Variants in DYNC2I1 observed in about 807,000 individuals in gnomAD.
The protein encoded by DYNC2I1 is cytoplasmic dynein 2 intermediate chain 1.
Under a neutral mutation model 133.4 loss-of-function variants are expected in DYNC2I1, and 89 were observed. The ratio of observed to expected loss-of-function variants is 0.67; its 90% CI spans 0.56 to 0.80. The LOEUF is 0.80. DYNC2I1 is among the 30% of genes least tolerant of loss of function. The pLI, the probability that DYNC2I1 is intolerant of heterozygous loss-of-function variation, is 0.00. For missense variants in DYNC2I1, 1,291 were observed against 1,314.5 expected (o/e 0.98, Z 0.28); for synonymous variants, 504 against 484.3 (o/e 1.04, Z -0.54).
intron 19 of DYNC2I1, 29 bp downstream of exon 19, chr7:158,926,492 C>T (rs777973234): frequency 1.4e-5 from 22 of 1,606,228 alleles, no homozygotes; most frequent in Middle Eastern, 1.9e-4. Flanking sequence ...CGGGCACATG[C>T]GGGGCCTGAG....
chr7:158,878,066 A>T (rs1422194512), intron 4 of DYNC2I1, among the ~76,000 whole-genome samples: 2 of 149,026 alleles, frequency 1.3e-5, no homozygotes, highest in Admixed American at 6.7e-5. Flanking sequence ...GCCAGGTGCC[A>T]TGTGGAGAGG....
the DYNC2I1 span, among the ~76,000 whole-genome samples, chr7:158,850,245 A>G: frequency 2.0e-5 from 3 of 152,166 alleles, no homozygotes; most frequent in Non-Finnish European, 4.4e-5. Flanking sequence ...GGAAGGGCCC[A>G]GGGCTCTTGT....
intron 23 of DYNC2I1, among the ~76,000 whole-genome samples, chr7:158,938,754 T>TCAA (rs554871046): frequency 7.5e-4 from 114 of 151,220 alleles, no homozygotes; most frequent in Middle Eastern, 3.4e-3. Flanking sequence ...AAACTCCATC[T>TCAA]CAACAACAAC....
rs1424447882 is a variant in DYNC2I1, at chr7:158,882,080, C to G, written c.879+2091C>G. Reference sequence around the variant, plus strand: ...AACATTATCCTGTATCTTTGTAAAACCACTGCCTTCAAATTAGTCCCAGAA... The same window carrying G: ...AACATTATCCTGTATCTTTGTAAAAGCACTGCCTTCAAATTAGTCCCAGAA... On this transcript the variant is annotated intron_variant, in intron 5 of 24. Transcript: ENST00000407559. Among the ~76,000 whole-genome samples, 4 of 152,190 alleles carry G rather than the reference C, an allele frequency of 2.6e-5. No individual in the cohort carries two copies. The South Asian group carries it at 8.3e-4, about 31-fold the overall frequency.
rs1313141347 is a variant in DYNC2I1, at chr7:158,912,986, C to T, written c.1592C>T (p.Ala531Val). The T allele has an allele frequency of 6.2e-7, 1 of 1,604,866 alleles. No homozygotes were observed. The highest frequency in any genetic ancestry group is 8.5e-7 in the Non-Finnish European group (1 of 1,176,142). ...RNFGKKNTKQAYVQCNEDNVE... is the reference protein window; with the variant it reads ...RNFGKKNTKQVYVQCNEDNVE... ...TTTTGGCATATTTTTGTTTTTAAGG[C>T]ATATGTTCAGTGTAACGAAGATAAT... is the stretch of plus-strand genomic sequence containing the variant. Residue 531 changes from alanine (A) to valine (V), a missense_variant and splice_region_variant, in exon 13 of 25, where the codon GCA becomes GTA. Ala to Val is a moderately conservative substitution (Grantham distance 64). Transcript: ENST00000407559.
At chr7:158,910,895 C>T (rs1416717581) in intron 11 of DYNC2I1, among the ~76,000 whole-genome samples, 1 of 138,288 alleles carries the variant, frequency 7.2e-6, no homozygotes, top group Non-Finnish European at 1.6e-5. Flanking sequence ...GAGCGAGGAG[C>T]GTTGGCTGTG....
chr7:158,886,890 C>T (rs959063130), intron 6 of DYNC2I1, 131 bp from the exon 7 acceptor site: 42 of 827,650 alleles, frequency 5.1e-5, no homozygotes, highest in African/African-American at 4.7e-4. Flanking sequence ...TGCAAGTCAT[C>T]GCTCCTGGTT....
intron 5 of DYNC2I1, among the ~76,000 whole-genome samples, 176 bp from the exon 6 acceptor site, chr7:158,884,388 T>G (rs969547344): frequency 6.6e-6 from 1 of 152,226 alleles, no homozygotes; most frequent in Non-Finnish European, 1.5e-5. Context: ...TCTTTACATT[T>G]AATTATCTAA....
At chr7:158,895,475 C>T (rs1008918628) in intron 8 of DYNC2I1, among the ~76,000 whole-genome samples, 1 of 152,166 alleles carries the variant, frequency 6.6e-6, no homozygotes, top group Non-Finnish European at 1.5e-5. Flanking sequence ...TTTCTGGGCT[C>T]TTTGTTCTGT....
intron 1 of DYNC2I1, among the ~76,000 whole-genome samples, chr7:158,860,686 CAATT>C (rs986088586): frequency 2.7e-4 from 40 of 150,338 alleles, no homozygotes; most frequent in African/African-American, 2.0e-4. Flanking sequence ...ACATACCAAA[CAATT>C]GATAGGTAAT....
chr7:158,862,198 G>A (rs561086561), intron 1 of DYNC2I1, among the ~76,000 whole-genome samples: 1 of 152,204 alleles, frequency 6.6e-6, no homozygotes, highest in South Asian at 2.1e-4. Context: ...GAAAATCCAG[G>A]CAAAATTAAT....
intron 24 of DYNC2I1, among the ~76,000 whole-genome samples, chr7:158,944,625 C>G (rs1851698420): frequency 6.6e-6 from 1 of 152,216 alleles, no homozygotes. Flanking sequence ...CGCCCCACGT[C>G]CTGTGGAGTG....
chr7:158,892,485 A>C (rs76845209), intron 8 of DYNC2I1, among the ~76,000 whole-genome samples: 1 of 152,094 alleles, frequency 6.6e-6, no homozygotes, highest in Non-Finnish European at 1.5e-5. Context: ...TCTGTTGCCC[A>C]GGCTGGAGTG....
chr7:158,926,026 C>T (rs971630073), intron 17 of DYNC2I1, among the ~76,000 whole-genome samples, 161 bp from the exon 18 acceptor site: 4 of 152,110 alleles, frequency 2.6e-5, no homozygotes, highest in East Asian at 1.9e-4. Context: ...GTGTGTCAGT[C>T]GTGTGTGGTC....
chr7:158,927,069 T>C, intron 20 of DYNC2I1, 26 bp downstream of exon 20: 1 of 1,520,194 alleles, frequency 6.6e-7, no homozygotes. Flanking sequence ...AAAAATTAAT[T>C]TTAGTGTTTT....
At position 158,926,265 on chromosome 7, in the gene DYNC2I1, A is replaced by G. The variant is rs772933960; in HGVS notation, c.2336A>G (p.Gln779Arg). The change falls in exon 18 of 25, where the codon CAG becomes CGG. Residue 779 changes from glutamine to arginine, a missense_variant. Coordinates refer to ENST00000407559, the MANE Select transcript of DYNC2I1 (RefSeq NM_018051.5). Reference sequence around the variant, plus strand: ...ATCTCAACGTCCGTCCACAAAAAGCAGAGCTTTGTGCTTTCACCCTTTTCT... The same window carrying G: ...ATCTCAACGTCCGTCCACAAAAAGCGGAGCTTTGTGCTTTCACCCTTTTCT... ...EPISTSVHKK[Q>R]SFVLSPFSTQ... 5 of 1,613,360 alleles carry G rather than the reference A, an allele frequency of 3.1e-6. No homozygotes were observed. The highest frequency in any genetic ancestry group is 3.4e-6 in the Non-Finnish European group (4 of 1,179,654).
At chr7:158,869,950 C>T (rs979105120) in intron 2 of DYNC2I1, 42 bp downstream of exon 2, 5 of 1,574,900 alleles carry the variant, frequency 3.2e-6, no homozygotes, top group East Asian at 2.2e-5. Context: ...GTGCAGGACT[C>T]GTGTGGTTTT....
intron 5 of DYNC2I1, among the ~76,000 whole-genome samples, chr7:158,881,448 T>A (rs1326419418): frequency 1.3e-5 from 2 of 152,070 alleles, no homozygotes; most frequent in Non-Finnish European, 2.9e-5. Context: ...TGTTTTTATT[T>A]ATTTTTATTT....
chr7:158,897,267 G>A (rs1380691186), intron 8 of DYNC2I1, among the ~76,000 whole-genome samples: 1 of 152,084 alleles, frequency 6.6e-6, no homozygotes, highest in Admixed American at 6.5e-5. Context: ...CCAAAGTGCT[G>A]GTATTACAGG....
Sources: allele counts gnomAD v4.1 joint callset (sites outside exome capture counted in the v4.1 genomes callset), GRCh38; gene constraint gnomAD v4.1.1; transcripts MANE v1.5; gene names NCBI Gene and HGNC (gene_info 2026-07-23, HGNC 2026-07-21).